The following PLCH2 variants were observed in gnomAD, a reference collection of about 807,000 sequenced individuals.
PLCH2 encodes phospholipase C eta 2, also known as 1-phosphatidylinositol 4,5-bisphosphate phosphodiesterase eta-2.
A neutral mutation model predicts 134.7 loss-of-function variants in PLCH2; 98 were observed. The observed-to-expected ratio is 0.73, with a 90% CI of 0.62 to 0.86. The LOEUF is 0.86. PLCH2 is among the 40% of genes least tolerant of loss of function. PLCH2 has a pLI of 0.00. For synonymous variants in PLCH2, 974 were observed against 827.5 expected (o/e 1.18, Z -3.04); for missense variants, 1,994 against 1,986.6 (o/e 1.00, Z -0.07).
chr1:2,465,985 C>T (rs1415352981), upstream of PLCH2, among the ~76,000 whole-genome samples: 3 of 152,216 alleles, frequency 2.0e-5, no homozygotes, highest in Non-Finnish European at 4.4e-5. Context: ...CCTTCTGAGA[C>T]TTGGGGCTGC....
rs1008997918 is a variant in PLCH2, at chr1:2,504,886, C to T, written c.3924C>T (p.Val1308=). The change falls in exon 22 of 22, where the codon GTC becomes GTT. Residue 1308 remains valine (V), a synonymous_variant. Transcript: ENST00000378486. ...CAGAGCAGCTGCGCTGGCTCACTGT[C>T]TTCCAGCAGGCAGGAGACATCACGT... The part of the protein sequence containing the change: ...TLTEQLRWLT[V]FQQAGDITSP... 1.9e-6 allele frequency: 3 copies of T among 1,590,274 alleles called. No individual in the cohort carries two copies. The highest frequency in any genetic ancestry group is 2.3e-5 in the East Asian group (1 of 44,104).
intron 2 of PLCH2, among the ~76,000 whole-genome samples, chr1:2,441,865 G>A (rs1278506962): frequency 1.3e-5 from 2 of 152,146 alleles, no homozygotes; most frequent in Non-Finnish European, 2.9e-5. Flanking sequence ...ACCTCAGGGC[G>A]CAGGGCTCTG....
chr1:2,497,833 G>T (rs917619798), intron 16 of PLCH2: 1 of 505,434 alleles, frequency 2.0e-6, no homozygotes, highest in Non-Finnish European at 3.6e-6. Context: ...GCTCCGTCAG[G>T]AATCCAGGGA....
chr1:2,499,598 G>A (rs538581790), intron 19 of PLCH2, 43 bp from the exon 20 acceptor site: 10 of 1,431,868 alleles, frequency 7.0e-6, no homozygotes, highest in South Asian at 1.2e-5. Context: ...GGGGGCCCTG[G>A]GAGGCTGTGA....
chr1:2,491,573 T>A (rs1337607736), intron 11 of PLCH2, among the ~76,000 whole-genome samples: 2 of 152,312 alleles, frequency 1.3e-5, no homozygotes, highest in East Asian at 3.9e-4. Context: ...TGGGGGGACA[T>A]GATTGCCTTC....
chr1:2,456,400 C>G (rs573021296), intron 2 of PLCH2, among the ~76,000 whole-genome samples: 77 of 152,250 alleles, frequency 5.1e-4, no homozygotes, highest in African/African-American at 1.7e-3. Context: ...GGGTGGCGCT[C>G]TAGCCACGCG....
intron 4 of PLCH2, among the ~76,000 whole-genome samples, 169 bp downstream of exon 4, chr1:2,480,481 C>T (rs1183078442): frequency 5.9e-5 from 9 of 152,210 alleles, no homozygotes; most frequent in Non-Finnish European, 1.0e-4. Context: ...GACCAGCCAC[C>T]CCACAGCCTA....
At chr1:2,482,835 T>C (rs1458677290) in intron 4 of PLCH2, among the ~76,000 whole-genome samples, 1 of 152,174 alleles carries the variant, frequency 6.6e-6, no homozygotes, top group African/African-American at 2.4e-5. Context: ...TGGTTCCTGC[T>C]CAGCTGAGGC....
chr1:2,467,962 C>G (rs920561218), intron 1 of PLCH2, among the ~76,000 whole-genome samples: 1 of 152,224 alleles, frequency 6.6e-6, no homozygotes, highest in Non-Finnish European at 1.5e-5. Flanking sequence ...AGGGTCTGCT[C>G]CCTGCAAAGG....
upstream of PLCH2, among the ~76,000 whole-genome samples, chr1:2,462,955 C>T (rs948283863): frequency 9.2e-5 from 14 of 152,164 alleles, no homozygotes; most frequent in African/African-American, 3.4e-4. Flanking sequence ...TTAAACCAGG[C>T]AAGAAAGCAA....
chr1:2,501,726 T>C, intron 20 of PLCH2: 1 of 210,024 alleles, frequency 4.8e-6, no homozygotes, highest in Non-Finnish European at 9.4e-6. Context: ...CGCCGGGGGC[T>C]GCGGGCCTCT....
chr1:2,430,006 A>G (rs1448126857), intron 1 of PLCH2, among the ~76,000 whole-genome samples: 2 of 152,178 alleles, frequency 1.3e-5, no homozygotes, highest in Admixed American at 1.3e-4. Flanking sequence ...GTGTCAACAC[A>G]GAGAAACAGC....
In PLCH2 at chr1:2,449,684, C is replaced by A. The variant is rs1275616676; in HGVS notation, c.115+19055C>A. Among the ~76,000 whole-genome samples, 3 of 152,180 alleles carry A rather than the reference C, an allele frequency of 2.0e-5. No individual in the cohort carries two copies. In the East Asian group the frequency reaches 5.8e-4, roughly 29 times the overall value. ...TGGAGGACATGGCTCTGGAGCTGGG[C>A]AGACTTGGATCCCAAATCTGCAACT... On this transcript the variant is annotated intron_variant, in intron 2 of 3. Transcript: ENST00000609981.
chr1:2,491,154 G>A (rs201507384), intron 10 of PLCH2, 38 bp from the exon 11 acceptor site: 15 of 1,594,602 alleles, frequency 9.4e-6, no homozygotes, highest in South Asian at 7.9e-5. Flanking sequence ...CGCAGGGCTC[G>A]GGACAGATGC....
upstream of PLCH2, among the ~76,000 whole-genome samples, chr1:2,465,695 A>G (rs2100601927): frequency 6.6e-6 from 1 of 152,362 alleles, no homozygotes; most frequent in South Asian, 2.1e-4. Context: ...TAACATGTGC[A>G]GCGGGCGGCT....
Position 2,483,876 on chromosome 1 carries a change from T to TC in PLCH2, c.646-572_646-571insC, listed in dbSNP as rs368334294. On this transcript the variant is annotated intron_variant, in intron 4 of 21. Coordinates refer to ENST00000378486, the MANE Select transcript of PLCH2 (RefSeq NM_014638.4). ...GTGTGGGGTGGCGCTGACCCCCGTGTGGGTGGCGCTGACTCCCGTGTGGGG... is the reference window on the plus strand; with the variant it reads ...GTGTGGGGTGGCGCTGACCCCCGTGTCGGGTGGCGCTGACTCCCGTGTGGGG... Among the ~76,000 whole-genome samples the TC allele has an allele frequency of 8.4e-4, 19 of 22,636 alleles. 3 individuals carry two copies. The highest frequency in any genetic ancestry group is 1.1e-3 in the Non-Finnish European group (12 of 10,748). 14.9% of individuals were successfully genotyped at this position (22,636 alleles called of 152,430 possible).
chr1:2,447,104 G>A (rs938573068), intron 2 of PLCH2, among the ~76,000 whole-genome samples: 2 of 152,136 alleles, frequency 1.3e-5, no homozygotes, highest in African/African-American at 4.8e-5. Flanking sequence ...CTCCACCCCC[G>A]CAGATGGGAG....
At chr1:2,486,471 G>A (rs1232798901) in intron 5 of PLCH2, among the ~76,000 whole-genome samples, 1 of 152,226 alleles carries the variant, frequency 6.6e-6, no homozygotes, top group African/African-American at 2.4e-5. Context: ...CCGGACTGTG[G>A]TGCTCAGATC....
Position 2,496,590 on chromosome 1 carries a change from C to T in PLCH2, c.1836-17C>T, listed in dbSNP as rs765088610. 3 of 1,600,592 alleles carry T rather than the reference C, an allele frequency of 1.9e-6. No homozygotes were observed. Among genetic ancestry groups the T allele is most frequent in the South Asian group, 2.2e-5 (2 of 89,378 alleles). On this transcript the variant is annotated splice_polypyrimidine_tract_variant and intron_variant, in intron 13 of 21. Coordinates refer to ENST00000378486, the MANE Select transcript of PLCH2 (RefSeq NM_014638.4). ...GCCCTGGACGGGAGGGGTTCTGACC[C>T]CCTGCACCTGCCACAGGGCGACCCG...
Sources: allele counts gnomAD v4.1 joint callset (sites outside exome capture counted in the v4.1 genomes callset), GRCh38; gene constraint gnomAD v4.1.1; transcripts MANE v1.5; gene names NCBI Gene and HGNC (gene_info 2026-07-23, HGNC 2026-07-21).